SLC25A31: variants seen among roughly 807,000 people sequenced by gnomAD.
SLC25A31 encodes the protein solute carrier family 25 member 31, also known as ADP/ATP translocase 4.
In SLC25A31, 40 loss-of-function variants were observed where a neutral mutation model predicts 36.2. That is an observed-to-expected ratio of 1.10 (90% CI 0.86 to 1.44). The LOEUF is 1.44. Among genes scored for constraint, SLC25A31 ranks in the 40% most tolerant of loss-of-function variants. The pLI is 0.00. For synonymous variants in SLC25A31, 143 were observed against 149.7 expected, an observed-to-expected ratio of 0.96 and a Z score of 0.32; for missense variants, 350 against 397.1, an observed-to-expected ratio of 0.88 and a Z score of 1.01.
chr4:127,746,546 C>A (rs1349112188), intron 2 of SLC25A31, among the ~76,000 whole-genome samples: 1 of 151,874 alleles, frequency 6.6e-6, no homozygotes, highest in Non-Finnish European at 1.5e-5. Context: ...TGATACTGAG[C>A]CTTTTCCATA....
At chr4:127,771,419 A>T (rs560117221) in intron 5 of SLC25A31, among the ~76,000 whole-genome samples, 34 of 152,324 alleles carry the variant, frequency 2.2e-4, no homozygotes, top group South Asian at 1.7e-3. Flanking sequence ...TTCAGCCCAT[A>T]ACAGTACTAC....
chr4:127,738,898 CTG>C (rs1731683042), intron 1 of SLC25A31, among the ~76,000 whole-genome samples: 1 of 152,050 alleles, frequency 6.6e-6, no homozygotes, highest in Admixed American at 6.6e-5. Flanking sequence ...GGTTTAAACT[CTG>C]TTATATCTCA....
At chr4:127,767,530 G>T (rs1218201089) in intron 4 of SLC25A31, among the ~76,000 whole-genome samples, 3 of 152,074 alleles carry the variant, frequency 2.0e-5, no homozygotes, top group Admixed American at 1.3e-4. Flanking sequence ...ATATGGAAAG[G>T]CATCTTCTAA....
At chr4:127,732,672 T>G (rs1438376066) in intron 1 of SLC25A31, among the ~76,000 whole-genome samples, 1 of 152,168 alleles carries the variant, frequency 6.6e-6, no homozygotes, top group Non-Finnish European at 1.5e-5. Flanking sequence ...GTTGATATCA[T>G]TCTCAGATGT....
chr4:127,755,406 A>G (rs1482117674), intron 2 of SLC25A31, among the ~76,000 whole-genome samples: 1 of 152,212 alleles, frequency 6.6e-6, no homozygotes, highest in Non-Finnish European at 1.5e-5. Flanking sequence ...AAAGGGGCTA[A>G]TATAAAAACT....
At chr4:127,751,897 A>G (rs1420213262) in intron 2 of SLC25A31, among the ~76,000 whole-genome samples, 2 of 152,110 alleles carry the variant, frequency 1.3e-5, no homozygotes, top group African/African-American at 2.4e-5. Flanking sequence ...TAGAATGGCA[A>G]TCATTAAAAA....
chr4:127,760,143 T>C (rs554545483), intron 2 of SLC25A31, among the ~76,000 whole-genome samples: 118 of 152,326 alleles, frequency 7.7e-4, no homozygotes, highest in African/African-American at 2.8e-3. Context: ...GTAGGCCTTA[T>C]CATGTCCATT....
At chr4:127,759,134 T>C (rs970027976) in intron 2 of SLC25A31, among the ~76,000 whole-genome samples, 1 of 152,180 alleles carries the variant, frequency 6.6e-6, no homozygotes, top group Non-Finnish European at 1.5e-5. Context: ...GTTTGTGTCA[T>C]GTATGATTTC....
intron 1 of SLC25A31, among the ~76,000 whole-genome samples, chr4:127,731,616 C>T (rs1314171299): frequency 6.6e-6 from 1 of 152,034 alleles, no homozygotes; most frequent in Non-Finnish European, 1.5e-5. Context: ...GACCCTGATG[C>T]GGGGATTTCA....
At chr4:127,760,577 A>G (rs1313310243) in intron 2 of SLC25A31, among the ~76,000 whole-genome samples, 1 of 152,246 alleles carries the variant, frequency 6.6e-6, no homozygotes, top group Admixed American at 6.5e-5. Flanking sequence ...CCTTGTCCAG[A>G]CAAGTTGTTA....
Position 127,768,847 on chromosome 4 carries a change from T to G in SLC25A31, c.729T>G (p.Phe243Leu). Residue 243 changes from phenylalanine (F) to leucine (L), a missense_variant, in exon 5 of 6, where the codon TTT (phenylalanine) becomes TTG (leucine). Phe to Leu is a conservative substitution (Grantham distance 22, BLOSUM62 0). Coordinates refer to ENST00000281154, the MANE Select transcript of SLC25A31 (RefSeq NM_031291.4). ...TTCSGILSYPFDTVRRRMMMQ... is the reference protein window; with the variant it reads ...TTCSGILSYPLDTVRRRMMMQ... ...GCTCTGGAATACTTTCTTATCCCTTTGACACAGTTAGAAGACGTATGATGA... is the reference window on the plus strand; with the variant it reads ...GCTCTGGAATACTTTCTTATCCCTTGGACACAGTTAGAAGACGTATGATGA... 6.2e-7 allele frequency: 1 copy of G among 1,605,020 alleles called. No individual in the cohort carries two copies. Among genetic ancestry groups the G allele is most frequent in the Non-Finnish European group, 8.5e-7 (1 of 1,176,546 alleles).
Position 127,767,232 on chromosome 4 carries a change from GC to G in SLC25A31, c.633+13del. ...ATGACACAGTTAAGGTAATCTGGGG[GC>G]TTTAACTTGGACATATTAAATATAT... On this transcript the variant is annotated intron_variant, in intron 4 of 5. Transcript: ENST00000281154. 3.9e-6 allele frequency: 6 copies of G among 1,537,594 alleles called. No individual in the cohort carries two copies. Among genetic ancestry groups the G allele is most frequent in the Non-Finnish European group, 4.4e-6 (5 of 1,143,418 alleles).
At chr4:127,752,790 G>A (rs371640200) in intron 2 of SLC25A31, among the ~76,000 whole-genome samples, 2 of 152,294 alleles carry the variant, frequency 1.3e-5, no homozygotes, top group Middle Eastern at 3.4e-3. Flanking sequence ...TAGATTTGAA[G>A]GGAGAGACAG....
Position 127,733,705 on chromosome 4 carries a change from A to G in SLC25A31, c.232+2928A>G, listed in dbSNP as rs11942457. On this transcript the variant is annotated intron_variant, in intron 1 of 5. Coordinates refer to ENST00000281154, the MANE Select transcript of SLC25A31 (RefSeq NM_031291.4). The stretch of plus-strand genomic sequence containing the variant: ...TTCTCTTTCTTTTTTGAAAGTCAAG[A>G]CACATGCACATCTCAGGTGTCCTGA... Among the ~76,000 whole-genome samples, 811 of 152,318 alleles carry G rather than the reference A, an allele frequency of 5.3e-3. 11 individuals are homozygous for G. The highest frequency in any genetic ancestry group is 0.02 in the Middle Eastern group (6 of 294).
chr4:127,764,730 C>A (rs887592535), intron 3 of SLC25A31, among the ~76,000 whole-genome samples: 22 of 152,038 alleles, frequency 1.4e-4, no homozygotes, highest in Non-Finnish European at 2.6e-4. Context: ...TCTATCCTTA[C>A]TTAAATATCA....
intron 2 of SLC25A31, among the ~76,000 whole-genome samples, chr4:127,758,055 C>T (rs1366028565): frequency 6.6e-6 from 1 of 152,080 alleles, no homozygotes; most frequent in Non-Finnish European, 1.5e-5. Context: ...AAAGTGGAAA[C>T]CCCTGATAAA....
intron 2 of SLC25A31, among the ~76,000 whole-genome samples, chr4:127,745,872 A>G (rs1387820510): frequency 6.6e-6 from 1 of 152,070 alleles, no homozygotes; most frequent in Non-Finnish European, 1.5e-5. Flanking sequence ...CTCGTGTCAC[A>G]GGGGTTTTTT....
intron 2 of SLC25A31, among the ~76,000 whole-genome samples, chr4:127,751,065 A>G (rs1731922493): frequency 6.6e-6 from 1 of 152,222 alleles, no homozygotes; most frequent in Non-Finnish European, 1.5e-5. Flanking sequence ...AGAATTGGAA[A>G]AAACTACTTT....
intron 2 of SLC25A31, among the ~76,000 whole-genome samples, chr4:127,761,176 G>A (rs375730512): frequency 7.2e-5 from 11 of 151,942 alleles, no homozygotes; most frequent in South Asian, 4.1e-4. Flanking sequence ...CGGCCATACC[G>A]TTTATATATG....
Sources: gnomAD v4.1 joint callset for allele counts (sites outside exome capture counted in the v4.1 genomes callset) on GRCh38, gnomAD v4.1.1 for gene constraint, MANE v1.5 for transcripts, NCBI Gene and HGNC (gene_info 2026-07-23, HGNC 2026-07-21) for gene names.